Variants in HEPH observed in about 807,000 individuals in gnomAD.
The protein encoded by HEPH is hephaestin.
HEPH carries 69 observed loss-of-function variants against 80.8 expected under a neutral mutation model. The ratio of observed to expected loss-of-function variants is 0.85; its 90% CI spans 0.70 to 1.04. HEPH has a LOEUF of 1.04. HEPH is among the 50% of genes least tolerant of loss of function. The pLI, the probability that HEPH is intolerant of heterozygous loss-of-function variation, is 0.00. For missense variants in HEPH, 1,115 were observed against 891.3 expected, an observed-to-expected ratio of 1.25 and a Z score of -3.20; for synonymous variants, 431 against 322.8, an observed-to-expected ratio of 1.34 and a Z score of -3.60.
At chrX:66,212,695 A>G (rs1399270624) in intron 15 of HEPH, among the ~76,000 whole-genome samples, 2 of 111,798 alleles carry the variant, frequency 1.8e-5, no homozygotes, top group African/African-American at 6.5e-5. Flanking sequence ...TTTTTATACC[A>G]TGCTGTTTTG....
chrX:66,226,184 G>A (rs1276934683), intron 15 of HEPH, among the ~76,000 whole-genome samples: 1 of 111,801 alleles, frequency 8.9e-6, no homozygotes, highest in East Asian at 2.8e-4. Context: ...CCAGGCCCAG[G>A]GTGTGGTGCC....
intron 17 of HEPH, 113 bp downstream of exon 17, chrX:66,256,443 A>G (rs1180008785): frequency 7.7e-6 from 4 of 521,908 alleles, no homozygotes; most frequent in Non-Finnish European, 1.3e-5. Context: ...GGACACGAAC[A>G]TGGGAAGGTG....
rs73215277 is a variant in HEPH, at chrX:66,226,887, C to A, written c.2563+18641C>A. Among the ~76,000 whole-genome samples the A allele has an allele frequency of 7.0e-3, 784 of 111,711 alleles. 17 individuals carry two copies. The highest frequency in any genetic ancestry group is 8.1e-3 in the Non-Finnish European group (431 of 53,127). ...AGATTTGGTACCCATGTTATTGACA[C>A]TATTCCAAAATACAGAGAAAGATGG... On this transcript the variant is annotated intron_variant, in intron 15 of 20. Transcript: ENST00000343002.
chrX:66,180,587 C>A (rs2087066102), intron 4 of HEPH, among the ~76,000 whole-genome samples: 1 of 103,625 alleles, frequency 9.7e-6, no homozygotes, highest in African/African-American at 3.6e-5. Context: ...GGCAATGTAC[C>A]TAGGTGATAA....
At chrX:66,192,767 C>T (rs1453445309) in intron 7 of HEPH, among the ~76,000 whole-genome samples, 1 of 111,710 alleles carries the variant, frequency 9.0e-6, no homozygotes, top group African/African-American at 3.3e-5. Flanking sequence ...TGCTTTTTGG[C>T]TATCACATGC....
intron 15 of HEPH, among the ~76,000 whole-genome samples, chrX:66,211,206 A>G (rs1281325202): frequency 1.8e-5 from 2 of 111,433 alleles, no homozygotes; most frequent in Non-Finnish European, 3.8e-5. Context: ...ATTTAAGAGG[A>G]GGTACTCTAT....
intron 16 of HEPH, among the ~76,000 whole-genome samples, chrX:66,255,720 A>G (rs1221240684): frequency 9.0e-6 from 1 of 111,542 alleles, no homozygotes; most frequent in African/African-American, 3.3e-5. Flanking sequence ...AGAAGGCATC[A>G]CAATGGGAGG....
intron 1 of HEPH, among the ~76,000 whole-genome samples, chrX:66,166,384 A>T (rs1159099734): frequency 9.1e-6 from 1 of 110,486 alleles, no homozygotes; most frequent in Non-Finnish European, 1.9e-5. Context: ...TAATAGAGAT[A>T]GGGTTTCTCC....
At chrX:66,209,007 C>T (rs1449765054) in intron 15 of HEPH, among the ~76,000 whole-genome samples, 1 of 110,738 alleles carries the variant, frequency 9.0e-6, no homozygotes, top group African/African-American at 3.3e-5. Flanking sequence ...TCAACATTCT[C>T]TTTTATTAAT....
At chrX:66,255,644 A>T (rs576320759) in intron 16 of HEPH, among the ~76,000 whole-genome samples, 1 of 111,719 alleles carries the variant, frequency 9.0e-6, no homozygotes, top group East Asian at 2.8e-4. Context: ...GCTTTGGATG[A>T]TATAAATTTA....
At chrX:66,209,358 G>A (rs1372457567) in intron 15 of HEPH, among the ~76,000 whole-genome samples, 3 of 112,226 alleles carry the variant, frequency 2.7e-5, no homozygotes, top group African/African-American at 9.7e-5. Context: ...CAGATCGCTG[G>A]AATCAACTTT....
At chrX:66,198,600 C>G (rs2088244171) in intron 10 of HEPH, among the ~76,000 whole-genome samples, 1 of 110,739 alleles carries the variant, frequency 9.0e-6, no homozygotes, top group African/African-American at 3.3e-5. Flanking sequence ...TCTTCTTTTA[C>G]ACTCTATACC....
chrX:66,248,377 A>G lies in HEPH; in HGVS notation c.2564-6658A>G, dbSNP rs762364689. Among the ~76,000 whole-genome samples, 8 of 112,204 alleles carry G rather than the reference A, an allele frequency of 7.1e-5. No homozygotes were observed. In the East Asian group the frequency reaches 1.4e-3, roughly 20 times the overall value. ...TTTGTCCAGCATATCCACACTGGAT[A>G]TGCCACCTGCCCATTCGGCACTTAG... On this transcript the variant is annotated intron_variant, in intron 15 of 20. Coordinates refer to ENST00000343002, the MANE Select transcript of HEPH (RefSeq NM_001367233.3).
At chrX:66,239,011 C>A in intron 15 of HEPH, among the ~76,000 whole-genome samples, 1 of 112,349 alleles carries the variant, frequency 8.9e-6, no homozygotes, top group Non-Finnish European at 1.9e-5. Context: ...CCTGGGTGGG[C>A]CAGGTGTTCC....
chrX:66,164,617 GAAAGTT>G (rs1399633217), intron 1 of HEPH, 147 bp downstream of exon 1: 1 of 266,938 alleles, frequency 3.7e-6, no homozygotes, highest in Non-Finnish European at 5.1e-6. Context: ...TGATGTGCAG[GAAAGTT>G]AAAGGAGACA....
chrX:66,189,824 G>A lies in HEPH; in HGVS notation c.949G>A (p.Gly317Arg). ...CCATGGACAGATGCTGACTACCCGT[G>A]GACACCACACTGATGTGGCTAACAT... ...FFHGQMLTTRGHHTDVANIFP... is the reference protein window; with the variant it reads ...FFHGQMLTTRRHHTDVANIFP... The change falls in exon 6 of 21, where the codon GGA becomes AGA. Residue 317 changes from glycine (G) to arginine (R), a missense_variant. Around this residue, in one of 3 missense-constraint regions of HEPH, gnomAD observed 391 missense variants for 343.6 expected, o/e 1.14. Transcript: ENST00000343002. The A allele has an allele frequency of 2.5e-6, 3 of 1,210,744 alleles. No individual in the cohort carries two copies. The highest frequency in any genetic ancestry group is 3.4e-6 in the Non-Finnish European group (3 of 895,096).
chrX:66,255,269 G>C, intron 16 of HEPH, 128 bp downstream of exon 16: 1 of 399,993 alleles, frequency 2.5e-6, no homozygotes, highest in Non-Finnish European at 4.4e-6. Context: ...TTCTTCAAAA[G>C]CTGGACTTAT....
At chrX:66,246,623 T>C (rs2090819768) in intron 15 of HEPH, among the ~76,000 whole-genome samples, 1 of 111,226 alleles carries the variant, frequency 9.0e-6, no homozygotes, top group Non-Finnish European at 1.9e-5. Context: ...ATTCTGCTGT[T>C]CCCAGTCTTG....
intron 5 of HEPH, 86 bp from the exon 6 acceptor site, chrX:66,189,598 T>C: frequency 1.0e-6 from 1 of 987,935 alleles, no homozygotes; most frequent in Non-Finnish European, 1.4e-6. Flanking sequence ...CATTTAAATA[T>C]TATCTATTAT....
Sources: allele counts gnomAD v4.1 joint callset (sites outside exome capture counted in the v4.1 genomes callset), GRCh38; gene constraint gnomAD v4.1.1; regional missense constraint gnomAD v4.1.1; transcripts MANE v1.5; gene names NCBI Gene and HGNC (gene_info 2026-07-23, HGNC 2026-07-21).